CNTNAP5: variants seen among roughly 807,000 people sequenced by gnomAD.
The protein encoded by CNTNAP5 is contactin associated protein family member 5.
CNTNAP5 carries 72 observed loss-of-function variants against 150.2 expected under a neutral mutation model. The observed-to-expected ratio is 0.48, with a 90% CI of 0.40 to 0.58. CNTNAP5 has a LOEUF of 0.58. Ranked by LOEUF, CNTNAP5 falls within the 20% of genes least tolerant of loss-of-function variation. The probability of loss-of-function intolerance (pLI) is 0.00; values close to 1 mark genes in which losing one functional copy is unlikely to be tolerated. For synonymous variants in CNTNAP5, 672 were observed against 619.8 expected (o/e 1.08, Z -1.25); for missense variants, 1,636 against 1,626.2 (o/e 1.01, Z -0.10).
rs1433418214 is a variant in CNTNAP5, at chr2:124,846,776, G to A, written c.3218-18530G>A. On this transcript the variant is annotated intron_variant, in intron 19 of 23. Coordinates refer to ENST00000682447, the MANE Select transcript of CNTNAP5 (RefSeq NM_001367498.1). ...ATTCATGGGGTTCTCCTTTGATGGG[G>A]TGTTCTCCCCCTTCCCCTAGGAATG... Among the ~76,000 whole-genome samples, 5 of 152,162 alleles carry A rather than the reference G, an allele frequency of 3.3e-5. No homozygotes were observed. The East Asian group carries it at 9.6e-4, about 29-fold the overall frequency.
chr2:124,346,722 A>T (rs1558860833), intron 3 of CNTNAP5, among the ~76,000 whole-genome samples: 1 of 152,020 alleles, frequency 6.6e-6, no homozygotes, highest in Non-Finnish European at 1.5e-5. Flanking sequence ...AAGTTGTTTG[A>T]TTACCGATTT....
intron 19 of CNTNAP5, among the ~76,000 whole-genome samples, chr2:124,832,198 T>C (rs1682730284): frequency 6.6e-6 from 1 of 152,074 alleles, no homozygotes; most frequent in Admixed American, 6.6e-5. Context: ...ACAATTTTAT[T>C]TTTATTTTAT....
chr2:124,868,731 G>C (rs749089115), intron 20 of CNTNAP5, among the ~76,000 whole-genome samples: 2 of 152,142 alleles, frequency 1.3e-5, no homozygotes, highest in Non-Finnish European at 2.9e-5. Flanking sequence ...GGAAAATCAT[G>C]GCAGGGGAGA....
intron 3 of CNTNAP5, among the ~76,000 whole-genome samples, chr2:124,337,573 G>A (rs1689505460): frequency 6.6e-6 from 1 of 152,122 alleles, no homozygotes; most frequent in Admixed American, 6.5e-5. Context: ...AAGGGATCCA[G>A]TTTCAGCTTT....
At chr2:124,120,631 G>C in intron 1 of CNTNAP5, among the ~76,000 whole-genome samples, 1 of 152,204 alleles carries the variant, frequency 6.6e-6, no homozygotes, top group South Asian at 2.1e-4. Flanking sequence ...ACCAAACCAC[G>C]TAAGGACAGA....
chr2:124,540,658 CT>C (rs757810159), intron 10 of CNTNAP5, among the ~76,000 whole-genome samples: 3 of 150,162 alleles, frequency 2.0e-5, no homozygotes, highest in East Asian at 4.0e-4. Flanking sequence ...CAGGAATCTG[CT>C]TTTTTTTAGT....
At chr2:124,079,788 G>A (rs1229388611) in intron 1 of CNTNAP5, among the ~76,000 whole-genome samples, 1 of 152,106 alleles carries the variant, frequency 6.6e-6, no homozygotes, top group Non-Finnish European at 1.5e-5. Context: ...ACATGGATAA[G>A]AAACTTGGAA....
chr2:124,482,994 C>G (rs1271920249), intron 7 of CNTNAP5, among the ~76,000 whole-genome samples: 1 of 152,192 alleles, frequency 6.6e-6, no homozygotes, highest in African/African-American at 2.4e-5. Context: ...CTAACCAGAC[C>G]CGGATTACTC....
chr2:124,376,479 T>A (rs1690652374), intron 3 of CNTNAP5, among the ~76,000 whole-genome samples: 2 of 152,092 alleles, frequency 1.3e-5, no homozygotes. Flanking sequence ...TGAGATTTGC[T>A]CTGCTAAGAT....
chr2:124,334,126 A>T (rs1362156844), intron 3 of CNTNAP5, among the ~76,000 whole-genome samples: 1 of 152,086 alleles, frequency 6.6e-6, no homozygotes, highest in East Asian at 1.9e-4. Flanking sequence ...GGAGCCCAAA[A>T]ATGCGTTGTG....
At chr2:124,881,635 G>A (rs752814862) in intron 21 of CNTNAP5, among the ~76,000 whole-genome samples, 3 of 152,078 alleles carry the variant, frequency 2.0e-5, no homozygotes, top group African/African-American at 7.2e-5. Flanking sequence ...TGTGAGGAGA[G>A]TCCAGTTGGG....
At chr2:124,534,175 C>G (rs1695177368) in intron 10 of CNTNAP5, among the ~76,000 whole-genome samples, 1 of 152,000 alleles carries the variant, frequency 6.6e-6, no homozygotes, top group African/African-American at 2.4e-5. Flanking sequence ...GGGAGTTGGA[C>G]TGGGGTGGAT....
intron 1 of CNTNAP5, among the ~76,000 whole-genome samples, chr2:124,220,413 G>A (rs1053947631): frequency 6.6e-6 from 1 of 152,010 alleles, no homozygotes; most frequent in African/African-American, 2.4e-5. Flanking sequence ...ATTAGCTCAC[G>A]ATCCCATTCT....
At chr2:124,484,443 G>C (rs907916397) in intron 7 of CNTNAP5, among the ~76,000 whole-genome samples, 1 of 152,116 alleles carries the variant, frequency 6.6e-6, no homozygotes, top group African/African-American at 2.4e-5. Context: ...GCCTTACCAC[G>C]TAATGGATAC....
At chr2:124,786,399 G>GAAAGAAAGAAGGAAGGAAGGAAGGA (rs1558775105) in intron 17 of CNTNAP5, among the ~76,000 whole-genome samples, 34 of 69,810 alleles carry the variant, frequency 4.9e-4, no homozygotes, top group African/African-American at 1.9e-3. Flanking sequence ...AAGAAAGAAA[G>GAAAGAAAGAAGGAAGGAAGGAAGGA]AAGGAAGGAA....
chr2:124,498,143 T>C (rs1355349358), intron 7 of CNTNAP5, among the ~76,000 whole-genome samples: 2 of 152,194 alleles, frequency 1.3e-5, no homozygotes, highest in Non-Finnish European at 2.9e-5. Context: ...GGCACACTTC[T>C]GGTTTAGTGG....
At chr2:124,801,827 C>T (rs1017822909) in intron 19 of CNTNAP5, among the ~76,000 whole-genome samples, 5 of 151,318 alleles carry the variant, frequency 3.3e-5, no homozygotes, top group Non-Finnish European at 7.4e-5. Context: ...GATACACTGT[C>T]GTGAAAAAAA....
chr2:124,559,014 TA>T (rs1478938265), intron 10 of CNTNAP5, among the ~76,000 whole-genome samples: 1 of 152,252 alleles, frequency 6.6e-6, no homozygotes, highest in Non-Finnish European at 1.5e-5. Context: ...CATTTGCCTT[TA>T]AAAAGAAATA....
At chr2:124,072,157 T>G (rs2104665416) in intron 1 of CNTNAP5, among the ~76,000 whole-genome samples, 1 of 152,026 alleles carries the variant, frequency 6.6e-6, no homozygotes, top group East Asian at 1.9e-4. Flanking sequence ...TGAAAAAGCA[T>G]TAGATAAAAT....
Sources: gnomAD v4.1 joint callset for allele counts (sites outside exome capture counted in the v4.1 genomes callset) on GRCh38, gnomAD v4.1.1 for gene constraint, MANE v1.5 for transcripts, NCBI Gene and HGNC (gene_info 2026-07-23, HGNC 2026-07-21) for gene names.